Variants in MYO1A observed in about 807,000 individuals in gnomAD.
The protein encoded by MYO1A is myosin IA.
Under a neutral mutation model 138.5 loss-of-function variants are expected in MYO1A, and 127 were observed. The observed-to-expected ratio is 0.92, with a 90% CI of 0.79 to 1.06. The LOEUF is 1.06. Among genes scored for constraint, MYO1A ranks in the 50% least tolerant of loss-of-function variants. The pLI, the probability that MYO1A is intolerant of heterozygous loss-of-function variation, is 0.00. For synonymous variants in MYO1A, 477 were observed against 497.5 expected (o/e 0.96, Z 0.55); for missense variants, 1,211 against 1,288.8 (o/e 0.94, Z 0.92).
chr12:57,043,750 G>C, intron 10 of MYO1A, 106 bp downstream of exon 10: 1 of 1,459,876 alleles, frequency 6.8e-7, no homozygotes, highest in South Asian at 1.2e-5. Flanking sequence ...GGCTGAGTGG[G>C]ACTGCATCAG....
chr12:57,030,910 T>G, intron 23 of MYO1A, 130 bp downstream of exon 23: 3 of 1,112,180 alleles, frequency 2.7e-6, no homozygotes, highest in Non-Finnish European at 3.8e-6. Flanking sequence ...AAATGGTAGA[T>G]TGTATGTTAT....
At chr12:57,047,167 C>CGAA (rs2031137651) in intron 5 of MYO1A, 60 bp from the exon 6 acceptor site, 1 of 1,601,616 alleles carries the variant, frequency 6.2e-7, no homozygotes, top group East Asian at 2.2e-5. Flanking sequence ...GAAGGGCTTC[C>CGAA]AGTCCTCATG....
intron 22 of MYO1A, among the ~76,000 whole-genome samples, chr12:57,033,671 C>T (rs1318323193): frequency 1.3e-5 from 2 of 152,084 alleles, no homozygotes; most frequent in Non-Finnish European, 2.9e-5. Context: ...GGTTTTACAT[C>T]CCATAGAGCA....
At chr12:57,039,457 G>T in intron 14 of MYO1A, 183 bp from the exon 15 acceptor site, 5 of 639,442 alleles carry the variant, frequency 7.8e-6, no homozygotes, top group Non-Finnish European at 1.4e-5. Context: ...AATTTGTGGG[G>T]TGGGTAGACA....
At chr12:57,030,895 C>T (rs567651956) in intron 23 of MYO1A, 145 bp downstream of exon 23, 17 of 1,039,364 alleles carry the variant, frequency 1.6e-5, no homozygotes, top group African/African-American at 4.8e-5. Context: ...ACTTAAACAC[C>T]GTTAAAATGG....
chr12:57,029,821 C>G lies in MYO1A; in HGVS notation c.2643G>C (p.Lys881Asn), dbSNP rs1344051402. 1 of 1,614,228 alleles carries G rather than the reference C, an allele frequency of 6.2e-7. No homozygotes were observed. The highest frequency in any genetic ancestry group is 8.5e-7 in the Non-Finnish European group (1 of 1,180,038). ...CCTCCCCGCCTTTCAGCTTCTGCAG[C>G]TTGGGGTTCCCTTGCAGCCCAATGT... ...GDYIGLQGNP[K>N]LQKLKGGEEG... The change falls in exon 25 of 28, where the codon AAG (lysine) becomes AAC (asparagine). Residue 881 changes from lysine to asparagine, a missense_variant. Coordinates refer to ENST00000300119, the MANE Select transcript of MYO1A (RefSeq NM_005379.4).
In MYO1A at chr12:57,029,638, C is replaced by T. The variant is rs2030169875; in HGVS notation, c.2725-51G>A. The T allele has an allele frequency of 3.1e-6, 5 of 1,613,978 alleles. No homozygotes were observed. In the East Asian group the frequency reaches 8.9e-5, roughly 29 times the overall value. Reference sequence around the variant, plus strand: ...GGAAAGGCAGGATTAATTGCCCCCACTCCACCTGGCAGGGCGCAAACACAG... The same window carrying T: ...GGAAAGGCAGGATTAATTGCCCCCATTCCACCTGGCAGGGCGCAAACACAG... On this transcript the variant is annotated intron_variant, in intron 25 of 27. Coordinates refer to ENST00000300119, the MANE Select transcript of MYO1A (RefSeq NM_005379.4).
intron 13 of MYO1A, 64 bp from the exon 14 acceptor site, chr12:57,041,352 T>TC (rs2030850236): frequency 6.3e-7 from 1 of 1,590,888 alleles, no homozygotes; most frequent in Non-Finnish European, 8.6e-7. Flanking sequence ...CAGTCCTACC[T>TC]CCCCTCCCTC....
In MYO1A at chr12:57,038,588, G is replaced by A. The variant is rs770145920; in HGVS notation, c.1584C>T (p.Phe528=). Residue 528 remains phenylalanine (F), a synonymous_variant, in exon 17 of 28, where the codon TTC becomes TTT. Transcript: ENST00000300119. ...TCCACATGGCCTGCAACAGGTCTCG[G>A]AAGAGTAGGTCATTATTCTTGTCAA... The part of the protein sequence containing the change: ...SFIDKNNDLL[F]RDLLQAMWKA... 6.2e-7 allele frequency: 1 copy of A among 1,614,218 alleles called. No individual in the cohort carries two copies. The highest frequency in any genetic ancestry group is 1.1e-5 in the South Asian group (1 of 91,082).
rs1274633753 is a variant in MYO1A at position 57,036,981 on chromosome 12, C to T, written c.2166G>A (p.Lys722=). The change falls in exon 20 of 28, where the codon AAG becomes AAA. Residue 722 remains lysine, a synonymous_variant. Transcript: ENST00000300119. The part of the protein sequence containing the change: ...RCRTHYQLMR[K]SQILISSWFR... ...ACCAAGAGGAGATGAGGATCTGACT[C>T]TTTCGCATCAGTTGGTAGTGGGTGC... 1.2e-6 allele frequency: 2 copies of T among 1,614,198 alleles called. No individual in the cohort carries two copies. The highest frequency in any genetic ancestry group is 1.7e-6 in the Non-Finnish European group (2 of 1,180,030).
At chr12:57,035,614 A>G (rs1194676598) in intron 22 of MYO1A, among the ~76,000 whole-genome samples, 3 of 152,124 alleles carry the variant, frequency 2.0e-5, no homozygotes, top group Admixed American at 1.3e-4. Context: ...GCCTTTCCCA[A>G]GGTTTCATTG....
intron 14 of MYO1A, among the ~76,000 whole-genome samples, 190 bp downstream of exon 14, chr12:57,040,994 T>C (rs1279459597): frequency 6.6e-6 from 1 of 152,120 alleles, no homozygotes; most frequent in Non-Finnish European, 1.5e-5. Flanking sequence ...GCCAGGGAAA[T>C]GAAGAATGGA....
Position 57,043,058 on chromosome 12 carries a change from G to T in MYO1A, c.1098+14C>A. The T allele has an allele frequency of 1.2e-6, 2 of 1,613,900 alleles. No individual in the cohort carries two copies. The highest frequency in any genetic ancestry group is 8.5e-7 in the Non-Finnish European group (1 of 1,179,816). ...CAGACAGGAGAGCATGGAGAAAGCA[G>T]AGCGGCCACTTGCCTTGATGCTCTC... On this transcript the variant is annotated intron_variant, in intron 12 of 27. Transcript: ENST00000300119.
At chr12:57,046,233 A>G (rs1022076823) in intron 8 of MYO1A, among the ~76,000 whole-genome samples, 9 of 152,190 alleles carry the variant, frequency 5.9e-5, no homozygotes, top group Admixed American at 1.3e-4. Flanking sequence ...GTAGATGGAT[A>G]TAAGTGTTTT....
intron 7 of MYO1A, 27 bp from the exon 8 acceptor site, chr12:57,046,677 C>A (rs1344152733): frequency 6.3e-7 from 1 of 1,594,884 alleles, no homozygotes; most frequent in Non-Finnish European, 8.6e-7. Flanking sequence ...AAAATAATAT[C>A]CTGAGGGCCT....
At chr12:57,048,537 G>C (rs574693018) in intron 1 of MYO1A, among the ~76,000 whole-genome samples, 194 bp from the exon 2 acceptor site, 1 of 152,184 alleles carries the variant, frequency 6.6e-6, no homozygotes, top group Non-Finnish European at 1.5e-5. Context: ...AGCAGGAGGT[G>C]GGGGAGATCC....
intron 8 of MYO1A, 65 bp downstream of exon 8, chr12:57,046,487 G>C: frequency 7.9e-7 from 1 of 1,261,474 alleles, no homozygotes. Flanking sequence ...TTCTGGGACT[G>C]AATGGAGGTT....
rs1312623285 is a variant in MYO1A at position 57,028,799 on chromosome 12, A to G, written c.3088T>C (p.Tyr1030His). The G allele has an allele frequency of 6.2e-7, 1 of 1,613,636 alleles. No homozygotes were observed. The highest frequency in any genetic ancestry group is 1.7e-5 in the Admixed American group (1 of 59,984). Residue 1030 changes from tyrosine to histidine, a missense_variant, in exon 28 of 28, where the codon TAC (tyrosine) becomes CAC (histidine). By Grantham distance (83) the Tyr-to-His change is moderately conservative. Transcript: ENST00000300119. ...PAGGDNSKLR[Y>H]KKKGSHCLEV... is the part of the protein sequence containing the mutation. ...AAGCAATGACTCCCCTTTTTTTTGT[A>G]GCGTAGCTTGCTGTTGTCACCACCT...
intron 27 of MYO1A, 102 bp from the exon 28 acceptor site, chr12:57,028,983 C>A: frequency 6.3e-7 from 1 of 1,589,592 alleles, no homozygotes. Flanking sequence ...GGACTTGAGG[C>A]CCCAGAGAAC....
Sources: allele counts gnomAD v4.1 joint callset (sites outside exome capture counted in the v4.1 genomes callset), GRCh38; gene constraint gnomAD v4.1.1; transcripts MANE v1.5; gene names NCBI Gene and HGNC (gene_info 2026-07-23, HGNC 2026-07-21).